GALNTL6: variants seen among roughly 807,000 people sequenced by gnomAD.
GALNTL6 encodes the protein polypeptide N-acetylgalactosaminyltransferase-like 6.
In GALNTL6, 46 loss-of-function variants were observed where a neutral mutation model predicts 73.7. The observed-to-expected ratio is 0.62, with a 90% confidence interval of 0.49 to 0.80. The LOEUF is 0.80. GALNTL6 is among the 30% of genes least tolerant of loss of function. The pLI is 0.00. For missense variants in GALNTL6, 604 were observed against 755.0 expected (o/e 0.80, Z 2.34); for synonymous variants, 259 against 263.7 (o/e 0.98, Z 0.17).
intron 5 of GALNTL6, among the ~76,000 whole-genome samples, chr4:172,417,167 G>A (rs778571615): frequency 6.6e-6 from 1 of 150,376 alleles, no homozygotes; most frequent in Non-Finnish European, 1.5e-5. Flanking sequence ...TCCTTCTGTT[G>A]CTTTATGTGT....
chr4:172,434,874 T>G (rs1038218469), intron 5 of GALNTL6, among the ~76,000 whole-genome samples: 1 of 152,172 alleles, frequency 6.6e-6, no homozygotes, highest in African/African-American at 2.4e-5. Context: ...TTCCATAGTC[T>G]TTATTTTCAC....
At chr4:172,284,147 T>G (rs1273806350) in intron 3 of GALNTL6, among the ~76,000 whole-genome samples, 1 of 152,186 alleles carries the variant, frequency 6.6e-6, no homozygotes, top group Non-Finnish European at 1.5e-5. Context: ...TTTGCTTTAT[T>G]TCTAACTATT....
intron 5 of GALNTL6, among the ~76,000 whole-genome samples, chr4:172,733,687 T>C (rs1447179649): frequency 6.6e-6 from 1 of 152,302 alleles, no homozygotes; most frequent in East Asian, 1.9e-4. Context: ...CCTGCTGCCA[T>C]GTAAGATGTG....
chr4:172,774,959 CAATAATAATAATAATAATAAT>C (rs57591714), intron 5 of GALNTL6, among the ~76,000 whole-genome samples: 4 of 140,614 alleles, frequency 2.8e-5, no homozygotes, highest in South Asian at 2.3e-4. Context: ...GGCTCCATCT[CAATAATAATAATAATAATAAT>C]AATAATAATA....
intron 4 of GALNTL6, among the ~76,000 whole-genome samples, chr4:172,339,765 C>G (rs797005108): frequency 2.6e-5 from 4 of 152,320 alleles, no homozygotes; most frequent in African/African-American, 9.6e-5. Flanking sequence ...AAGGAAAACT[C>G]TCTGCCCCTC....
At chr4:172,271,398 C>T (rs946642403) in intron 3 of GALNTL6, among the ~76,000 whole-genome samples, 1 of 152,072 alleles carries the variant, frequency 6.6e-6, no homozygotes, top group African/African-American at 2.4e-5. Context: ...TACACACATA[C>T]ATATGGATAT....
At chr4:172,832,207 C>T (rs1452607735) in intron 7 of GALNTL6, among the ~76,000 whole-genome samples, 1 of 152,168 alleles carries the variant, frequency 6.6e-6, no homozygotes, top group Non-Finnish European at 1.5e-5. Context: ...ATCTGTCTGA[C>T]TCCACTCTCT....
chr4:172,551,266 T>G (rs1735945184), intron 5 of GALNTL6, among the ~76,000 whole-genome samples: 1 of 152,206 alleles, frequency 6.6e-6, no homozygotes, highest in African/African-American at 2.4e-5. Flanking sequence ...AAATACTCAC[T>G]TTATTTTCTA....
At chr4:173,012,949 C>T (rs984198543) in intron 11 of GALNTL6, among the ~76,000 whole-genome samples, 8 of 152,088 alleles carry the variant, frequency 5.3e-5, no homozygotes, top group African/African-American at 1.9e-4. Context: ...ACCAGCCTGG[C>T]TAACATTTTG....
At chr4:172,790,896 CAAAA>C (rs770813700) in intron 5 of GALNTL6, among the ~76,000 whole-genome samples, 2 of 71,432 alleles carry the variant, frequency 2.8e-5, no homozygotes, top group Admixed American at 1.7e-4. Flanking sequence ...GAGACTCCAT[CAAAA>C]AAAAAAAAAA....
intron 11 of GALNTL6, among the ~76,000 whole-genome samples, chr4:173,016,135 G>A (rs770815926): frequency 2.4e-4 from 37 of 152,350 alleles, no homozygotes; most frequent in Non-Finnish European, 4.4e-4. Flanking sequence ...GATTTCAGAG[G>A]ATGTATGGAA....
At chr4:173,037,339 C>G (rs1436536105) in intron 12 of GALNTL6, among the ~76,000 whole-genome samples, 2 of 152,200 alleles carry the variant, frequency 1.3e-5, no homozygotes, top group African/African-American at 4.8e-5. Flanking sequence ...CCCCCCACCT[C>G]ATTTTACTGA....
intron 2 of GALNTL6, among the ~76,000 whole-genome samples, chr4:172,169,162 A>C (rs1363798242): frequency 6.6e-6 from 1 of 151,998 alleles, no homozygotes; most frequent in African/African-American, 2.4e-5. Context: ...GAAGAAGTAA[A>C]CAATGAGATT....
At chr4:172,649,052 T>C (rs1438360520) in intron 5 of GALNTL6, among the ~76,000 whole-genome samples, 2 of 152,192 alleles carry the variant, frequency 1.3e-5, no homozygotes, top group East Asian at 3.9e-4. Flanking sequence ...TGCCCATTTT[T>C]GAGGCATCCA....
chr4:171,850,639 C>A (rs1735499781), intron 2 of GALNTL6, among the ~76,000 whole-genome samples: 1 of 152,130 alleles, frequency 6.6e-6, no homozygotes, highest in Non-Finnish European at 1.5e-5. Flanking sequence ...TTTAGCATTT[C>A]ATTACGACAA....
chr4:172,260,591 T>C (rs773640920), intron 3 of GALNTL6, among the ~76,000 whole-genome samples: 4 of 151,596 alleles, frequency 2.6e-5, no homozygotes, highest in Admixed American at 6.6e-5. Flanking sequence ...GTGGATGGCT[T>C]TGTTTCTTTC....
chr4:172,299,614 T>C (rs1175931731), intron 3 of GALNTL6, among the ~76,000 whole-genome samples: 1 of 152,236 alleles, frequency 6.6e-6, no homozygotes, highest in East Asian at 1.9e-4. Flanking sequence ...TCTGCCTTCA[T>C]TTCGTTATGT....
At chr4:172,561,754 A>G (rs778588287) in intron 5 of GALNTL6, among the ~76,000 whole-genome samples, 1 of 152,294 alleles carries the variant, frequency 6.6e-6, no homozygotes, top group South Asian at 2.1e-4. Flanking sequence ...TTCACAATAC[A>G]CCAATTAAAC....
At chr4:172,861,106 G>A (rs141060437) in intron 7 of GALNTL6, among the ~76,000 whole-genome samples, 129 of 152,208 alleles carry the variant, frequency 8.5e-4, no homozygotes, top group African/African-American at 2.9e-3. Flanking sequence ...TGAAGACTAT[G>A]TTCTTCATAA....
Sources: allele counts gnomAD v4.1 joint callset (sites outside exome capture counted in the v4.1 genomes callset), GRCh38; gene constraint gnomAD v4.1.1; transcripts MANE v1.5; gene names NCBI Gene and HGNC (gene_info 2026-07-23, HGNC 2026-07-21).